Variants in TLCD4 observed in about 807,000 individuals in gnomAD.
TLCD4 encodes TLC domain-containing protein 4.
A neutral mutation model predicts 24.2 loss-of-function variants in TLCD4; 7 were observed. That is an observed-to-expected ratio of 0.29 (90% confidence interval 0.16 to 0.54). The LOEUF is 0.54. TLCD4 is among the 20% of genes least tolerant of loss of function. The pLI is 0.95. For missense variants in TLCD4, 259 were observed against 313.9 expected, an observed-to-expected ratio of 0.82 and a Z score of 1.32; for synonymous variants, 103 against 106.4, an observed-to-expected ratio of 0.97 and a Z score of 0.20.
chr1:95,192,072 C>T lies in TLCD4; in HGVS notation c.*204C>T, dbSNP rs1217467369. The T allele has an allele frequency of 2.1e-5, 25 of 1,212,814 alleles. No homozygotes were observed. Among genetic ancestry groups the T allele is most frequent in the East Asian group, 1.2e-4 (4 of 32,568 alleles). 75.1% of individuals were successfully genotyped at this position (1,212,814 alleles called of 1,614,324 possible). ...AGCACTTTGGGAGGCCAAGGTGGGTCGATCACTGAGGTCAGGAGTTCGAGA... is the reference window on the plus strand; with the variant it reads ...AGCACTTTGGGAGGCCAAGGTGGGTTGATCACTGAGGTCAGGAGTTCGAGA... On this transcript the variant is annotated 3_prime_UTR_variant, in exon 7 of 7. Transcript: ENST00000370203.
chr1:95,156,773 A>C (rs775447841), intron 5 of TLCD4, among the ~76,000 whole-genome samples: 1 of 152,156 alleles, frequency 6.6e-6, no homozygotes, highest in Non-Finnish European at 1.5e-5. Flanking sequence ...GATCCAGAGC[A>C]CTAGAGGAAG....
At chr1:95,175,058 G>A (rs1477435988) in intron 6 of TLCD4, among the ~76,000 whole-genome samples, 1 of 152,208 alleles carries the variant, frequency 6.6e-6, no homozygotes, top group Non-Finnish European at 1.5e-5. Flanking sequence ...TTACAGGCAT[G>A]AGCCACTGCG....
At chr1:95,175,397 C>T (rs1350415234) in intron 6 of TLCD4, among the ~76,000 whole-genome samples, 2 of 152,144 alleles carry the variant, frequency 1.3e-5, no homozygotes, top group African/African-American at 4.8e-5. Flanking sequence ...CATAATATTC[C>T]TGTTGTATGT....
intron 6 of TLCD4, among the ~76,000 whole-genome samples, chr1:95,184,266 C>G (rs1678752764): frequency 6.6e-6 from 1 of 152,144 alleles, no homozygotes; most frequent in Non-Finnish European, 1.5e-5. Flanking sequence ...CTAAGGCTCT[C>G]TCAAACTTCT....
chr1:95,178,039 C>T (rs942866062), intron 6 of TLCD4, among the ~76,000 whole-genome samples: 1 of 151,198 alleles, frequency 6.6e-6, no homozygotes, highest in African/African-American at 2.4e-5. Flanking sequence ...CAACCTACAC[C>T]TCCCGGGTTC....
In TLCD4 at chr1:95,192,172, G is replaced by A. The variant is rs1368058428; in HGVS notation, c.*304G>A. 1.8e-5 allele frequency: 5 copies of A among 280,582 alleles called. No homozygotes were observed. The highest frequency in any genetic ancestry group is 2.5e-5 in the Non-Finnish European group (4 of 159,552). 17.4% of individuals were successfully genotyped at this position (280,582 alleles called of 1,614,324 possible). A position where few individuals can be genotyped will look rare whatever the true frequency, so the allele number is the denominator to read the frequency against. On this transcript the variant is annotated 3_prime_UTR_variant, in exon 7 of 7. Transcript: ENST00000370203. ...AAAGTAGCTGGGCGTGGTGGTTGGC[G>A]CCTGTAATCCCAGCTACTCGGGAGG...
the TLCD4 span, among the ~76,000 whole-genome samples, chr1:95,111,215 GC>G: frequency 2.3e-3 from 357 of 151,922 alleles, 3 homozygotes; most frequent in Middle Eastern, 0.061. Context: ...GATTGCTTGA[GC>G]CCTGCAGCTC....
intron 1 of TLCD4, among the ~76,000 whole-genome samples, chr1:95,124,730 A>C (rs1453664166): frequency 6.6e-6 from 1 of 152,220 alleles, no homozygotes; most frequent in Non-Finnish European, 1.5e-5. Flanking sequence ...ATTTCAGTGG[A>C]ATTGCTATGA....
chr1:95,130,571 G>A (rs1485178527), intron 1 of TLCD4, among the ~76,000 whole-genome samples: 1 of 152,138 alleles, frequency 6.6e-6, no homozygotes, highest in Non-Finnish European at 1.5e-5. Context: ...ACTCAGAATG[G>A]GTGTAGGATG....
intron 5 of TLCD4, among the ~76,000 whole-genome samples, chr1:95,171,059 T>C (rs77084209): frequency 0.019 from 2,887 of 151,858 alleles, 64 homozygotes; most frequent in Non-Finnish European, 0.026. Context: ...ATCCCCCCCC[T>C]TTTTTTTAGC....
At chr1:95,190,725 C>T (rs1678998483) in intron 6 of TLCD4, among the ~76,000 whole-genome samples, 1 of 152,194 alleles carries the variant, frequency 6.6e-6, no homozygotes. Flanking sequence ...ATTTGCACTT[C>T]CTAATGACAA....
the TLCD4 span, among the ~76,000 whole-genome samples, chr1:95,099,053 C>CA: frequency 7.9e-4 from 56 of 70,654 alleles, 2 homozygotes; most frequent in Middle Eastern, 0.016. Context: ...AACTCTGTCT[C>CA]AAAAAAAAAA....
At chr1:95,148,619 G>T in intron 2 of TLCD4, 83 bp from the exon 3 acceptor site, 2 of 1,576,162 alleles carry the variant, frequency 1.3e-6, no homozygotes, top group Admixed American at 1.7e-5. Flanking sequence ...GGTATAACTT[G>T]TTCAGAATGT....
intron 1 of TLCD4, among the ~76,000 whole-genome samples, chr1:95,126,537 G>A (rs1162184766): frequency 6.6e-6 from 1 of 152,154 alleles, no homozygotes. Flanking sequence ...GCTTGAAACA[G>A]TGATTTATTA....
intron 5 of TLCD4, among the ~76,000 whole-genome samples, chr1:95,158,856 CA>C (rs1280526211): frequency 6.6e-6 from 1 of 152,128 alleles, no homozygotes; most frequent in African/African-American, 2.4e-5. Flanking sequence ...TTTTATGGTG[CA>C]TAGTATTCCA....
At chr1:95,117,274 C>G (rs1246048803), upstream of TLCD4, 1 of 152,304 alleles carries the variant, frequency 6.6e-6, no homozygotes, top group Admixed American at 6.5e-5. Flanking sequence ...CTCGGCGGCC[C>G]GCCTCGGGGC....
intron 1 of TLCD4, among the ~76,000 whole-genome samples, chr1:95,132,314 A>G (rs12035503): frequency 0.98 from 149,771 of 152,106 alleles, 73,779 homozygotes; most frequent in East Asian, 1. Flanking sequence ...AAAATTAGCC[A>G]GGCGTGGTGG....
chr1:95,128,749 T>A (rs139495062), intron 1 of TLCD4, among the ~76,000 whole-genome samples: 1 of 152,182 alleles, frequency 6.6e-6, no homozygotes, highest in African/African-American at 2.4e-5. Context: ...CTAAGCAGAA[T>A]TGTATGTGTG....
chr1:95,144,017 A>G lies in TLCD4; in HGVS notation c.116A>G (p.Asn39Ser), dbSNP rs143044115. ...WFSAKVSPGF[N>S]SLSFKKKIEW... ...TCAGCAAAAGTTTCTCCAGGTTTCAATAGTCTCAGCTTCAAAAAGAAGATT... is the reference window on the plus strand; with the variant it reads ...TCAGCAAAAGTTTCTCCAGGTTTCAGTAGTCTCAGCTTCAAAAAGAAGATT... Residue 39 changes from asparagine (N) to serine (S), a missense_variant, in exon 2 of 7, where the codon AAT becomes AGT. Physicochemically the swap from Asn to Ser is conservative, Grantham distance 46. Transcript: ENST00000370203. The G allele has an allele frequency of 2.7e-5, 42 of 1,565,024 alleles. No homozygotes were observed. In the African/African-American group the frequency reaches 2.8e-4, roughly 10 times the overall value.
Sources: gnomAD v4.1 joint callset for allele counts (sites outside exome capture counted in the v4.1 genomes callset) on GRCh38, gnomAD v4.1.1 for gene constraint, MANE v1.5 for transcripts, NCBI Gene and HGNC (gene_info 2026-07-23, HGNC 2026-07-21) for gene names.